The following TCF7L2 variants were observed in gnomAD, a reference collection of about 807,000 sequenced individuals.
The protein encoded by TCF7L2 is transcription factor 7 like 2, also known as transcription factor 7-like 2.
Under a neutral mutation model 77.9 loss-of-function variants are expected in TCF7L2, and 23 were observed. The ratio of observed to expected loss-of-function variants is 0.30; its 90% confidence interval spans 0.21 to 0.42. The LOEUF is 0.42. TCF7L2 is among the 10% of genes least tolerant of loss of function. The pLI, the probability that TCF7L2 is intolerant of heterozygous loss-of-function variation, is 1.00. For missense variants in TCF7L2, 654 were observed against 793.1 expected, an observed-to-expected ratio of 0.82 and a Z score of 2.11; for synonymous variants, 413 against 340.2, an observed-to-expected ratio of 1.21 and a Z score of -2.36.
In TCF7L2 at chr10:112,999,375, A is replaced by T. The variant is rs141213027; in HGVS notation, c.450+34751A>T. On this transcript the variant is annotated intron_variant, in intron 4 of 13. Coordinates refer to ENST00000627217, the MANE Select transcript of TCF7L2 (RefSeq NM_001146274.2). Reference sequence around the variant, plus strand: ...GCGCACTAGGCGTTGGGCCTGAACAAGTCTGTGTGCTTCCAATGTCTTTGT... The same window carrying T: ...GCGCACTAGGCGTTGGGCCTGAACATGTCTGTGTGCTTCCAATGTCTTTGT... 3.4e-4 allele frequency among the ~76,000 whole-genome samples: 52 copies of T among 152,360 alleles called. 1 individual carries two copies. The highest frequency in any genetic ancestry group is 2.8e-3 in the Admixed American group (43 of 15,306).
chr10:113,065,446 A>G (rs937767331), intron 5 of TCF7L2, among the ~76,000 whole-genome samples: 18 of 152,166 alleles, frequency 1.2e-4, no homozygotes, highest in African/African-American at 3.9e-4. Flanking sequence ...TTTGTTCAGT[A>G]TATTGGACAA....
chr10:113,080,275 G>A (rs571431543), intron 5 of TCF7L2, among the ~76,000 whole-genome samples: 11 of 151,860 alleles, frequency 7.2e-5, no homozygotes, highest in Non-Finnish European at 2.9e-5. Flanking sequence ...TCACCTCTCC[G>A]TTTCAAGCTG....
chr10:113,103,490 C>A (rs972947986), intron 5 of TCF7L2, among the ~76,000 whole-genome samples: 3 of 151,998 alleles, frequency 2.0e-5, no homozygotes, highest in Admixed American at 2.0e-4. Context: ...AAAAAATAGG[C>A]CATTTGGTAG....
chr10:112,972,532 T>C (rs2038495485), intron 4 of TCF7L2, among the ~76,000 whole-genome samples: 1 of 152,172 alleles, frequency 6.6e-6, no homozygotes, highest in Non-Finnish European at 1.5e-5. Flanking sequence ...CACAGTGGTG[T>C]GATCATAGCT....
intron 4 of TCF7L2, among the ~76,000 whole-genome samples, chr10:113,016,798 C>T (rs2047409389): frequency 6.6e-6 from 1 of 152,116 alleles, no homozygotes; most frequent in African/African-American, 2.4e-5. Context: ...GCACCTGCAC[C>T]CGCCAGCTAA....
chr10:113,159,627 TGA>T (rs1014150386), intron 12 of TCF7L2, among the ~76,000 whole-genome samples: 5 of 152,024 alleles, frequency 3.3e-5, no homozygotes, highest in African/African-American at 4.8e-5. Context: ...GAACCAAATC[TGA>T]GAGACAGTCC....
chr10:113,129,941 C>T, intron 5 of TCF7L2: 1 of 1,293,618 alleles, frequency 7.7e-7, no homozygotes, highest in Non-Finnish European at 1.0e-6. Context: ...TCCGGGGTCT[C>T]TCTGTTCCAG....
chr10:113,090,706 T>G (rs1038359018), intron 5 of TCF7L2, among the ~76,000 whole-genome samples: 1 of 152,172 alleles, frequency 6.6e-6, no homozygotes, highest in African/African-American at 2.4e-5. Flanking sequence ...TGCCTCCGGT[T>G]TCAAGCGATT....
intron 4 of TCF7L2, among the ~76,000 whole-genome samples, chr10:112,978,153 T>C (rs1262298998): frequency 6.6e-6 from 1 of 152,182 alleles, no homozygotes; most frequent in Non-Finnish European, 1.5e-5. Context: ...TGATTCTCTA[T>C]TGGAAAACAG....
At chr10:113,108,465 T>C (rs1326413788) in intron 5 of TCF7L2, among the ~76,000 whole-genome samples, 2 of 152,150 alleles carry the variant, frequency 1.3e-5, no homozygotes, top group African/African-American at 2.4e-5. Context: ...GGGTGCACAC[T>C]GAAGCCATTG....
chr10:112,995,776 A>T (rs1422722209), intron 4 of TCF7L2, among the ~76,000 whole-genome samples: 1 of 152,086 alleles, frequency 6.6e-6, no homozygotes, highest in Non-Finnish European at 1.5e-5. Flanking sequence ...GGGTTCCTTC[A>T]GAGTCGTGAT....
rs1395705187 is a variant in TCF7L2 at position 113,040,140 on chromosome 10, C to A, written c.552+14C>A. ...GCACACATTGTCGTAAGTAACCTCC[C>A]AGAGATGATGGCTTCCTTTATTGAG... On this transcript the variant is annotated intron_variant, in intron 5 of 13. Transcript: ENST00000627217. The A allele has an allele frequency of 6.2e-7, 1 of 1,610,114 alleles. No individual in the cohort carries two copies.
At chr10:112,951,671 G>T (rs2031404747) in intron 3 of TCF7L2, 64 bp downstream of exon 3, 2 of 858,916 alleles carry the variant, frequency 2.3e-6, no homozygotes, top group African/African-American at 3.9e-5. Flanking sequence ...GCCGGGCCCC[G>T]CATGCGGCCC....
intron 4 of TCF7L2, among the ~76,000 whole-genome samples, chr10:112,996,261 G>A (rs1196937419): frequency 6.6e-6 from 1 of 152,084 alleles, no homozygotes; most frequent in Non-Finnish European, 1.5e-5. Flanking sequence ...TGAGCCTCTC[G>A]GATATGGCGA....
At chr10:112,951,969 C>A (rs1250531997) in intron 3 of TCF7L2, 1 of 152,032 alleles carries the variant, frequency 6.6e-6, no homozygotes, top group African/African-American at 2.4e-5. Context: ...TGTTTCTTCA[C>A]CCTGGGAAGA....
chr10:113,136,245 A>G (rs950542059), intron 5 of TCF7L2, among the ~76,000 whole-genome samples: 9 of 152,206 alleles, frequency 5.9e-5, no homozygotes, highest in African/African-American at 1.7e-4. Context: ...CCAAGGCACC[A>G]TTAAACGGCG....
At chr10:113,070,262 A>G (rs1285130714) in intron 5 of TCF7L2, among the ~76,000 whole-genome samples, 2 of 62,840 alleles carry the variant, frequency 3.2e-5, no homozygotes, top group Non-Finnish European at 5.5e-5. Flanking sequence ...CTTAAAAAAA[A>G]AAAAATTTAT....
intron 4 of TCF7L2, among the ~76,000 whole-genome samples, chr10:112,978,132 C>A (rs1199585829): frequency 6.6e-6 from 1 of 152,144 alleles, no homozygotes; most frequent in Non-Finnish European, 1.5e-5. Flanking sequence ...AAATTGATAT[C>A]TTGGGGCATT....
intron 5 of TCF7L2, among the ~76,000 whole-genome samples, chr10:113,089,057 A>C (rs762946843): frequency 6.6e-6 from 1 of 152,168 alleles, no homozygotes; most frequent in Non-Finnish European, 1.5e-5. Flanking sequence ...TAGATTCAGT[A>C]AGGTAAGTTG....
Sources: allele counts gnomAD v4.1 joint callset (sites outside exome capture counted in the v4.1 genomes callset), GRCh38; gene constraint gnomAD v4.1.1; transcripts MANE v1.5; gene names NCBI Gene and HGNC (gene_info 2026-07-23, HGNC 2026-07-21).